The following POC1B variants were observed in gnomAD, a reference collection of about 807,000 sequenced individuals.
The protein encoded by POC1B is POC1 centriolar protein B, also known as POC1 centriolar protein homolog B.
A neutral mutation model predicts 60.6 loss-of-function variants in POC1B; 44 were observed. The ratio of observed to expected loss-of-function variants is 0.73; its 90% CI spans 0.57 to 0.93. The LOEUF (loss-of-function observed/expected upper bound fraction) is 0.93, where lower values mean the gene tolerates loss of function less well. POC1B is among the 40% of genes least tolerant of loss of function. The pLI is 0.00. For synonymous variants in POC1B, 180 were observed against 198.9 expected (o/e 0.90, Z 0.80); for missense variants, 555 against 572.3 (o/e 0.97, Z 0.31).
chr12:89,515,726 G>C (rs1474994390), intron 2 of POC1B, among the ~76,000 whole-genome samples: 1 of 152,040 alleles, frequency 6.6e-6, no homozygotes, highest in Non-Finnish European at 1.5e-5. Context: ...GCAACCCACA[G>C]GACAACTTGC....
intron 2 of POC1B, among the ~76,000 whole-genome samples, chr12:89,508,657 A>T (rs1179382405): frequency 1.3e-5 from 2 of 152,212 alleles, no homozygotes; most frequent in Admixed American, 6.5e-5. Context: ...GTCCCCACCG[A>T]AAATCTCATC....
intron 9 of POC1B, among the ~76,000 whole-genome samples, chr12:89,464,941 C>A (rs1428729338): frequency 6.6e-6 from 1 of 151,920 alleles, no homozygotes; most frequent in East Asian, 1.9e-4. Context: ...TTTAAGCAGC[C>A]ATGCATGTTT....
chr12:89,517,985 G>A (rs981561439), intron 2 of POC1B, among the ~76,000 whole-genome samples: 3 of 152,084 alleles, frequency 2.0e-5, no homozygotes, highest in Non-Finnish European at 4.4e-5. Context: ...GCCTGCAGTA[G>A]ATATCACTCC....
intron 2 of POC1B, chr12:89,500,189 A>G (rs1869482269): frequency 5.0e-6 from 8 of 1,598,732 alleles, no homozygotes; most frequent in Non-Finnish European, 6.0e-6. Flanking sequence ...GCAAGGCCAG[A>G]ATGTTCTGGA....
At chr12:89,438,142 C>T (rs1380180024) in intron 10 of POC1B, among the ~76,000 whole-genome samples, 2 of 151,854 alleles carry the variant, frequency 1.3e-5, no homozygotes, top group African/African-American at 4.8e-5. Flanking sequence ...CATACTGGTT[C>T]GCATCTGTAT....
At chr12:89,473,209 T>C (rs1328981654) in intron 4 of POC1B, among the ~76,000 whole-genome samples, 1 of 152,224 alleles carries the variant, frequency 6.6e-6, no homozygotes, top group African/African-American at 2.4e-5. Flanking sequence ...CTATGAGTCA[T>C]CAATTAAGGG....
chr12:89,509,645 A>T (rs907639920), intron 2 of POC1B, among the ~76,000 whole-genome samples: 4 of 152,230 alleles, frequency 2.6e-5, no homozygotes, highest in Non-Finnish European at 5.9e-5. Context: ...TATAGGTATT[A>T]AAAACCATGA....
chr12:89,524,923 G>C (rs540914913), intron 2 of POC1B, 197 bp downstream of exon 2: 8 of 863,998 alleles, frequency 9.3e-6, no homozygotes, highest in South Asian at 8.9e-5. Flanking sequence ...GCTCTTGGCC[G>C]GGCCGGGGGC....
the POC1B span, among the ~76,000 whole-genome samples, chr12:89,404,551 C>T: frequency 6.6e-6 from 1 of 152,118 alleles, no homozygotes; most frequent in African/African-American, 2.4e-5. Flanking sequence ...GCTGGAGGTA[C>T]AGTATAATAA....
chr12:89,435,179 CTTTTTT>C (rs56061239), intron 10 of POC1B, among the ~76,000 whole-genome samples: 1 of 113,538 alleles, frequency 8.8e-6, no homozygotes. Context: ...GAATGACATT[CTTTTTT>C]TTTTTTTTTT....
At chr12:89,408,785 C>T in the POC1B span, among the ~76,000 whole-genome samples, 5,330 of 152,182 alleles carry the variant, frequency 0.035, 311 homozygotes, top group East Asian at 0.26. Context: ...CCGCGCCTGG[C>T]CTGTTTCCTG....
intron 2 of POC1B, among the ~76,000 whole-genome samples, chr12:89,518,074 G>C (rs909468690): frequency 3.3e-5 from 5 of 151,846 alleles, no homozygotes; most frequent in African/African-American, 9.7e-5. Flanking sequence ...TAGAAGGACT[G>C]CTCTAATTTT....
At chr12:89,446,822 T>C (rs187243591) in intron 10 of POC1B, among the ~76,000 whole-genome samples, 13 of 152,202 alleles carry the variant, frequency 8.5e-5, no homozygotes, top group Admixed American at 5.9e-4. Flanking sequence ...AAATAGGTTG[T>C]TATAGGGAAA....
intron 2 of POC1B, chr12:89,522,178 A>G: frequency 2.5e-6 from 1 of 398,774 alleles, no homozygotes; most frequent in Non-Finnish European, 4.4e-6. Context: ...ATATCTCCCC[A>G]TTTCATTTAA....
intron 4 of POC1B, among the ~76,000 whole-genome samples, chr12:89,489,829 T>G (rs796368585): frequency 2.0e-5 from 3 of 152,224 alleles, no homozygotes; most frequent in Non-Finnish European, 4.4e-5. Flanking sequence ...TATGTTTGTA[T>G]GACCCCTCCT....
At chr12:89,463,489 A>G (rs879324103) in intron 9 of POC1B, among the ~76,000 whole-genome samples, 15 of 152,170 alleles carry the variant, frequency 9.9e-5, no homozygotes, top group Non-Finnish European at 1.9e-4. Flanking sequence ...AATGCAATCC[A>G]ACTCATGACA....
At chr12:89,412,809 TCC>T in the POC1B span, among the ~76,000 whole-genome samples, 1 of 83,238 alleles carries the variant, frequency 1.2e-5, no homozygotes, top group Admixed American at 1.2e-4. Flanking sequence ...AAACACATGT[TCC>T]TTCCTTCCTT....
the POC1B span, among the ~76,000 whole-genome samples, chr12:89,403,306 C>T: frequency 6.6e-6 from 1 of 152,188 alleles, no homozygotes; most frequent in Non-Finnish European, 1.5e-5. Context: ...CACGCCCAGC[C>T]CTGACACACG....
intron 9 of POC1B, among the ~76,000 whole-genome samples, chr12:89,463,793 G>T (rs1882569681): frequency 6.6e-6 from 1 of 152,018 alleles, no homozygotes; most frequent in South Asian, 2.1e-4. Context: ...AAGTAATATG[G>T]CTATCACCCC....
Sources: allele counts gnomAD v4.1 joint callset (sites outside exome capture counted in the v4.1 genomes callset), GRCh38; gene constraint gnomAD v4.1.1; transcripts MANE v1.5; gene names NCBI Gene and HGNC (gene_info 2026-07-23, HGNC 2026-07-21).